Variants in SNRNP35 observed in about 807,000 individuals in gnomAD.
SNRNP35 encodes U11/U12 small nuclear ribonucleoprotein 35 kDa protein.
SNRNP35 carries 16 observed loss-of-function variants against 24.3 expected under a neutral mutation model. The observed-to-expected ratio is 0.66, with a 90% confidence interval of 0.45 to 1.00. The LOEUF (loss-of-function observed/expected upper bound fraction) is 1.00, where lower values mean the gene tolerates loss of function less well. SNRNP35 is among the 50% of genes least tolerant of loss of function. SNRNP35 has a pLI of 0.00. For synonymous variants in SNRNP35, 106 were observed against 124.8 expected, an observed-to-expected ratio of 0.85 and a Z score of 1.00; for missense variants, 292 against 327.2, an observed-to-expected ratio of 0.89 and a Z score of 0.83.
chr12:123,467,483 C>T (rs1002575156), downstream of SNRNP35, among the ~76,000 whole-genome samples: 6 of 152,148 alleles, frequency 3.9e-5, no homozygotes, highest in African/African-American at 1.2e-4. Context: ...TCTCTCTTAT[C>T]TAGTCTCTGG....
intron 1 of SNRNP35, chr12:123,459,829 G>T: frequency 6.4e-7 from 1 of 1,574,404 alleles, no homozygotes; most frequent in East Asian, 2.3e-5. Context: ...GATTGTTGTA[G>T]GAAATCTCAA....
Position 123,458,194 on chromosome 12 carries a change from A to T in SNRNP35, c.-26A>T, listed in dbSNP as rs913118639. 4.1e-6 allele frequency: 4 copies of T among 985,302 alleles called. No individual in the cohort carries two copies. Among genetic ancestry groups the T allele is most frequent in the Non-Finnish European group, 4.8e-6 (4 of 829,990 alleles). 61.0% of individuals were successfully genotyped at this position (985,302 alleles called of 1,614,324 possible). ...GCAGCTGCTCGCCTGTCTCCGTCGGAAGGGAGCCCAAGCTTTGCAGAGGTG... is the reference window on the plus strand; with the variant it reads ...GCAGCTGCTCGCCTGTCTCCGTCGGTAGGGAGCCCAAGCTTTGCAGAGGTG... On this transcript the variant is annotated 5_prime_UTR_variant, in exon 1 of 2. Coordinates refer to ENST00000526639, the MANE Select transcript of SNRNP35 (RefSeq NM_022717.4).
Position 123,465,769 on chromosome 12 carries a change from A to T in SNRNP35, c.229A>T (p.Ile77Phe). The change falls in exon 2 of 2, where the codon ATC becomes TTC. Residue 77 changes from isoleucine to phenylalanine, a missense_variant. Ile to Phe is a conservative substitution (Grantham distance 21). Coordinates refer to ENST00000526639, the MANE Select transcript of SNRNP35 (RefSeq NM_022717.4). The surrounding 1 kb of genome is among the most constrained non-coding windows in gnomAD (Gnocchi z 4.2). The stretch of plus-strand genomic sequence containing the variant: ...GGAAGTCTTTTCCCGCTATGGTGAC[A>T]TCCGGCGGCTTCGGCTGGTCAGGGA... ...LKEVFSRYGD[I>F]RRLRLVRDLV... 2 of 1,614,160 alleles carry T rather than the reference A, an allele frequency of 1.2e-6. No homozygotes were observed. Among genetic ancestry groups the T allele is most frequent in the Non-Finnish European group, 1.7e-6 (2 of 1,180,032 alleles).
rs560287298 is a variant in SNRNP35 at position 123,466,092 on chromosome 12, G to A, written c.552G>A (p.Arg184=). ...DLYREGKRER[R]ERSRSRERHW... ...ATAGAGAGGGAAAACGGGAAAGGCG[G>A]GAGCGATCTCGATCCCGAGAAAGAC... The change falls in exon 2 of 2, where the codon CGG becomes CGA. Residue 184 remains arginine (R), a synonymous_variant. Transcript: ENST00000526639. 6.2e-7 allele frequency: 1 copy of A among 1,612,880 alleles called. No individual in the cohort carries two copies. The highest frequency in any genetic ancestry group is 8.5e-7 in the Non-Finnish European group (1 of 1,179,596).
chr12:123,469,258 G>A (rs932530395), downstream of SNRNP35, among the ~76,000 whole-genome samples: 5 of 151,680 alleles, frequency 3.3e-5, no homozygotes, highest in African/African-American at 2.4e-5. Context: ...GGGTTCAAGC[G>A]ATTCTCCTGC....
At position 123,466,141 on chromosome 12, in the gene SNRNP35, C is replaced by G. The variant is rs140144369; in HGVS notation, c.601C>G (p.Arg201Gly). The change falls in exon 2 of 2, where the codon CGA becomes GGA. Residue 201 changes from arginine (R) to glycine (G), a missense_variant. Physicochemically the swap from Arg to Gly is moderately radical, Grantham distance 125 (BLOSUM62 -2). Coordinates refer to ENST00000526639, the MANE Select transcript of SNRNP35 (RefSeq NM_022717.4). ...ERHWDSRTRDRDHDRGREKRW... is the reference protein window; with the variant it reads ...ERHWDSRTRDGDHDRGREKRW... Reference sequence around the variant, plus strand: ...ACACTGGGACTCGAGGACAAGGGATCGAGACCATGACAGGGGCCGGGAGAA... The same window carrying G: ...ACACTGGGACTCGAGGACAAGGGATGGAGACCATGACAGGGGCCGGGAGAA... 5.0e-6 allele frequency: 8 copies of G among 1,610,960 alleles called. No individual in the cohort carries two copies. The highest frequency in any genetic ancestry group is 6.8e-6 in the Non-Finnish European group (8 of 1,178,962).
intron 1 of SNRNP35, 55 bp downstream of exon 1, chr12:123,458,271 G>A (rs1422326321): frequency 2.0e-6 from 2 of 977,118 alleles, no homozygotes; most frequent in Non-Finnish European, 2.4e-6. Context: ...AAGGAAGAGG[G>A]AGTGCGGCCC....
chr12:123,471,711 T>C (rs1282605260), downstream of SNRNP35: 1 of 152,416 alleles, frequency 6.6e-6, no homozygotes, highest in Non-Finnish European at 1.5e-5. Context: ...TTCAGTCTGC[T>C]CTGGGACATC....
chr12:123,460,504 A>G (rs969710363), intron 1 of SNRNP35, among the ~76,000 whole-genome samples: 7 of 145,406 alleles, frequency 4.8e-5, no homozygotes, highest in Admixed American at 3.7e-4. Flanking sequence ...GCTGGCTCAC[A>G]TGTGTAATCC....
At chr12:123,459,857 G>A in intron 1 of SNRNP35, 1 of 1,595,098 alleles carries the variant, frequency 6.3e-7, no homozygotes, top group Non-Finnish European at 8.5e-7. Flanking sequence ...CTGCCGGGGA[G>A]GAAGTGCACC....
chr12:123,459,820 ATTG>A, intron 1 of SNRNP35: 1 of 1,565,724 alleles, frequency 6.4e-7, no homozygotes, highest in Admixed American at 1.9e-5. Flanking sequence ...ATCGAAAGAG[ATTG>A]TTGTAGGAAA....
chr12:123,461,178 G>T (rs913174254), intron 1 of SNRNP35, among the ~76,000 whole-genome samples: 1 of 150,678 alleles, frequency 6.6e-6, no homozygotes, highest in Non-Finnish European at 1.5e-5. Context: ...TGCAATGGCG[G>T]GATCTCAGCT....
Position 123,465,758 on chromosome 12 carries a change from G to T in SNRNP35, c.218G>T (p.Arg73Leu), listed in dbSNP as rs759838340. ...KEDKLKEVFS[R>L]YGDIRRLRLV... ...GACAAATTAAAGGAAGTCTTTTCCCGCTATGGTGACATCCGGCGGCTTCGG... is the reference window on the plus strand; with the variant it reads ...GACAAATTAAAGGAAGTCTTTTCCCTCTATGGTGACATCCGGCGGCTTCGG... The change falls in exon 2 of 2, where the codon CGC (arginine) becomes CTC (leucine). Residue 73 changes from arginine (R) to leucine (L), a missense_variant. Coordinates refer to ENST00000526639, the MANE Select transcript of SNRNP35 (RefSeq NM_022717.4). The surrounding 1 kb of genome is among the most constrained non-coding windows in gnomAD (Gnocchi z 4.2). The T allele has an allele frequency of 1.2e-6, 2 of 1,613,916 alleles. No homozygotes were observed. Among genetic ancestry groups the T allele is most frequent in the Non-Finnish European group, 1.7e-6 (2 of 1,180,000 alleles).
Position 123,472,739 on chromosome 12 carries a change from C to G in SNRNP35, n.1746C>G, listed in dbSNP as rs1881279554. The G allele has an allele frequency of 2.6e-6, 4 of 1,558,316 alleles. No individual in the cohort carries two copies. The East Asian group carries it at 9.4e-5, about 37-fold the overall frequency. On this transcript the variant is annotated non_coding_transcript_exon_variant, in exon 2 of 2. Transcript: ENST00000527158. ...AGCTGACCCTTTGCTGTGCAAGTCACGTTTTTTGCAATGCCGGAGACATAT... is the reference window on the plus strand; with the variant it reads ...AGCTGACCCTTTGCTGTGCAAGTCAGGTTTTTTGCAATGCCGGAGACATAT...
At chr12:123,459,754 T>C in intron 1 of SNRNP35, 1 of 1,303,628 alleles carries the variant, frequency 7.7e-7, no homozygotes, top group Non-Finnish European at 1.1e-6. Flanking sequence ...GCCATTGCAC[T>C]CCAGCCTGGG....
chr12:123,465,929 G>C lies in SNRNP35; in HGVS notation c.389G>C (p.Arg130Thr). 3 of 1,614,004 alleles carry C rather than the reference G, an allele frequency of 1.9e-6. No homozygotes were observed. Among genetic ancestry groups the C allele is most frequent in the Non-Finnish European group, 2.5e-6 (3 of 1,180,004 alleles). Residue 130 changes from arginine to threonine, a missense_variant, in exon 2 of 2, where the codon AGG becomes ACG. By Grantham distance (71) the Arg-to-Thr change is moderately conservative. Transcript: ENST00000526639. This position sits in a 1 kb window ranked among gnomAD's most constrained non-coding sequence, Gnocchi z 4.2. ...HEIFVDYELE[R>T]TLKGWIPRRL... ...ATATTTGTGGACTACGAGCTGGAAA[G>C]GACTCTCAAAGGGTGGATCCCTCGG... is the stretch of plus-strand genomic sequence containing the variant.
intron 1 of SNRNP35, among the ~76,000 whole-genome samples, chr12:123,458,584 G>A (rs1043253589): frequency 6.7e-6 from 1 of 149,628 alleles, no homozygotes; most frequent in Non-Finnish European, 1.5e-5. Flanking sequence ...TCACAGGAGG[G>A]GCAAAGTCTT....
rs758103130 is a variant in SNRNP35 at position 123,472,601 on chromosome 12, C to T, written n.1608C>T. 1.9e-6 allele frequency: 3 copies of T among 1,573,590 alleles called. No individual in the cohort carries two copies. The South Asian group carries it at 3.5e-5, about 18-fold the overall frequency. On this transcript the variant is annotated non_coding_transcript_exon_variant, in exon 2 of 2. Coordinates refer to the SNRNP35 transcript ENST00000527158. ...AACCGTCATCGCGGTGGGTGTTTGC[C>T]CACTGTCCAAAGGACTCCTGGATGT...
chr12:123,463,956 G>T, intron 1 of SNRNP35, among the ~76,000 whole-genome samples: 1 of 137,264 alleles, frequency 7.3e-6, no homozygotes, highest in East Asian at 2.1e-4. Flanking sequence ...TTTTGGAGAC[G>T]GAATTTTGCT....
Sources: gnomAD v4.1 joint callset for allele counts (sites outside exome capture counted in the v4.1 genomes callset) on GRCh38, gnomAD v4.1.1 for gene constraint, Gnocchi (gnomAD v3.1) non-coding constraint, MANE v1.5 for transcripts, NCBI Gene and HGNC (gene_info 2026-07-23, HGNC 2026-07-21) for gene names.